The following PFKFB3 variants were observed in gnomAD, a reference collection of about 807,000 sequenced individuals.
PFKFB3 encodes 6-phosphofructo-2-kinase/fructose-2,6-biphosphatase 3.
A neutral mutation model predicts 68.0 loss-of-function variants in PFKFB3; 33 were observed. The ratio of observed to expected loss-of-function variants is 0.49; its 90% CI spans 0.37 to 0.65. The LOEUF (loss-of-function observed/expected upper bound fraction) is 0.65. PFKFB3 is among the 30% of genes least tolerant of loss of function. The pLI is 0.00. For synonymous variants in PFKFB3, 315 were observed against 288.2 expected (o/e 1.09, Z -0.94); for missense variants, 586 against 712.2 (o/e 0.82, Z 2.02).
the PFKFB3 span, among the ~76,000 whole-genome samples, chr10:6,290,235 C>A: frequency 3.2e-4 from 48 of 151,928 alleles, no homozygotes; most frequent in Non-Finnish European, 6.2e-4. Context: ...GAACTTCCAA[C>A]ACTATGTTGA....
intron 14 of PFKFB3, among the ~76,000 whole-genome samples, chr10:6,244,860 G>A (rs529236036): frequency 6.6e-6 from 1 of 152,288 alleles, no homozygotes; most frequent in South Asian, 2.1e-4. Context: ...CCGAGATTGT[G>A]CTGAAAGCTA....
intron 1 of PFKFB3, among the ~76,000 whole-genome samples, chr10:6,172,868 A>C (rs896466595): frequency 1.3e-5 from 2 of 151,130 alleles, no homozygotes; most frequent in Non-Finnish European, 2.9e-5. Flanking sequence ...TTGTCCAGGG[A>C]GGGCAGAGCT....
At chr10:6,222,751 T>C (rs1845057582) in intron 10 of PFKFB3, 104 bp from the exon 11 acceptor site, 2 of 1,258,376 alleles carry the variant, frequency 1.6e-6, no homozygotes, top group Non-Finnish European at 1.1e-6. Flanking sequence ...TGATGGATGA[T>C]TGATTTTGCG....
chr10:6,204,971 G>GCGTGCAC (rs1183614491), intron 1 of PFKFB3, among the ~76,000 whole-genome samples: 1 of 152,212 alleles, frequency 6.6e-6, no homozygotes, highest in Non-Finnish European at 1.5e-5. Context: ...GAGAACTCCA[G>GCGTGCAC]CGTGCACCAA....
the PFKFB3 span, among the ~76,000 whole-genome samples, chr10:6,299,732 TG>T: frequency 6.6e-6 from 1 of 152,146 alleles, no homozygotes; most frequent in Non-Finnish European, 1.5e-5. Context: ...CCTCCAACCT[TG>T]CTCCCTGGCT....
chr10:6,220,837 A>T lies in PFKFB3; in HGVS notation c.803A>T (p.Asp268Val), dbSNP rs1233686809. ...EHNLQGRIGG[D>V]SGLSSRGKKF... is the part of the protein sequence containing the mutation. ...AACCTCCAGGGCCGCATCGGGGGCG[A>T]CTCAGGCCTGTCCAGCCGGGGCAAG... The change falls in exon 8 of 15, where the codon GAC becomes GTC. Residue 268 changes from aspartate to valine, a missense_variant. By Grantham distance (152) the Asp-to-Val change is radical. Transcript: ENST00000379775. The surrounding 1 kb of genome is among the most constrained non-coding windows in gnomAD (Gnocchi z 4.1). The T allele has an allele frequency of 2.5e-6, 4 of 1,611,744 alleles. No individual in the cohort carries two copies. The highest frequency in any genetic ancestry group is 3.4e-6 in the Non-Finnish European group (4 of 1,179,820).
At chr10:6,171,713 G>A (rs369440827) in intron 1 of PFKFB3, among the ~76,000 whole-genome samples, 2 of 152,316 alleles carry the variant, frequency 1.3e-5, no homozygotes, top group South Asian at 2.1e-4. Context: ...TTTTTTATAT[G>A]AAATTTCTAT....
intron 14 of PFKFB3, among the ~76,000 whole-genome samples, chr10:6,244,590 C>T (rs369197728): frequency 2.1e-4 from 32 of 152,062 alleles, no homozygotes; most frequent in East Asian, 5.8e-4. Flanking sequence ...AAGATTCTGT[C>T]GCTATTCTCT....
chr10:6,246,100 T>C (rs1419391907), intron 14 of PFKFB3, among the ~76,000 whole-genome samples: 3 of 152,146 alleles, frequency 2.0e-5, no homozygotes, highest in Admixed American at 6.5e-5. Flanking sequence ...TGATCTCTGG[T>C]GATGGCCATT....
chr10:6,182,192 C>G (rs1285375390), intron 1 of PFKFB3, among the ~76,000 whole-genome samples: 1 of 152,166 alleles, frequency 6.6e-6, no homozygotes, highest in African/African-American at 2.4e-5. Flanking sequence ...TCTCTCTAAT[C>G]CCTCACCTGG....
At chr10:6,323,880 G>A in the PFKFB3 span, among the ~76,000 whole-genome samples, 3 of 152,280 alleles carry the variant, frequency 2.0e-5, no homozygotes, top group East Asian at 1.9e-4. Context: ...GAGGACTACC[G>A]CGTGATTCCG....
At chr10:6,183,740 T>G (rs1406369016) in intron 1 of PFKFB3, among the ~76,000 whole-genome samples, 5 of 150,586 alleles carry the variant, frequency 3.3e-5, no homozygotes, top group Non-Finnish European at 7.4e-5. Flanking sequence ...CAGGCTGGAG[T>G]GCAGTGGCGT....
At chr10:6,155,431 C>G (rs375341475) in intron 1 of PFKFB3, among the ~76,000 whole-genome samples, 1 of 152,050 alleles carries the variant, frequency 6.6e-6, no homozygotes, top group Non-Finnish European at 1.5e-5. Context: ...GTCTCGATCT[C>G]CTGACCTCGT....
chr10:6,242,416 C>G (rs562625613), intron 14 of PFKFB3, among the ~76,000 whole-genome samples: 1 of 152,190 alleles, frequency 6.6e-6, no homozygotes, highest in Non-Finnish European at 1.5e-5. Flanking sequence ...GGTACACCAT[C>G]ACCCCTATGT....
chr10:6,231,080 GGT>G (rs1278023661), intron 14 of PFKFB3, among the ~76,000 whole-genome samples: 1 of 152,120 alleles, frequency 6.6e-6, no homozygotes, highest in Non-Finnish European at 1.5e-5. Context: ...GTCCGGACCT[GGT>G]GCTCTGGGGT....
chr10:6,178,010 A>G (rs1416732303), intron 1 of PFKFB3, among the ~76,000 whole-genome samples: 2 of 152,152 alleles, frequency 1.3e-5, no homozygotes, highest in Admixed American at 1.3e-4. Context: ...GTGGCTGTCA[A>G]GAGGGTGGAT....
the PFKFB3 span, chr10:6,326,586 C>T: frequency 1.2e-3 from 548 of 454,766 alleles, 6 homozygotes; most frequent in African/African-American, 0.01. Flanking sequence ...TGACTCTCCT[C>T]CCTGCTCCGT....
the PFKFB3 span, among the ~76,000 whole-genome samples, chr10:6,284,552 A>C: frequency 6.6e-6 from 1 of 152,198 alleles, no homozygotes; most frequent in Admixed American, 6.5e-5. Flanking sequence ...AACTTTCTTC[A>C]TCCTTTTACT....
At chr10:6,246,116 G>A (rs1245583149) in intron 14 of PFKFB3, among the ~76,000 whole-genome samples, 3 of 152,070 alleles carry the variant, frequency 2.0e-5, no homozygotes, top group African/African-American at 4.8e-5. Flanking sequence ...CCATTCACCC[G>A]GCTGGGCCCA....
Sources: allele counts gnomAD v4.1 joint callset (sites outside exome capture counted in the v4.1 genomes callset), GRCh38; gene constraint gnomAD v4.1.1; non-coding constraint Gnocchi (gnomAD v3.1); transcripts MANE v1.5; gene names NCBI Gene and HGNC (gene_info 2026-07-23, HGNC 2026-07-21).